The following SCN9A variants were observed in gnomAD, a reference collection of about 807,000 sequenced individuals.
SCN9A encodes the protein sodium channel protein type 9 subunit alpha.
SCN9A carries 131 observed loss-of-function variants against 187.0 expected under a neutral mutation model. The ratio of observed to expected loss-of-function variants is 0.70; its 90% CI spans 0.61 to 0.81. SCN9A has a LOEUF of 0.81. Ranked by LOEUF, SCN9A falls within the 30% of genes least tolerant of loss-of-function variation. SCN9A has a pLI of 0.00. For synonymous variants in SCN9A, 809 were observed against 808.6 expected, an observed-to-expected ratio of 1.00 and a Z score of -0.01; for missense variants, 2,252 against 2,396.6, an observed-to-expected ratio of 0.94 and a Z score of 1.26.
intron 2 of SCN9A, among the ~76,000 whole-genome samples, chr2:166,309,321 TA>T (rs1698865564): frequency 6.6e-6 from 1 of 152,220 alleles, no homozygotes. Context: ...TCATTCTCAT[TA>T]AAAACTTTTA....
intron 17 of SCN9A, among the ~76,000 whole-genome samples, chr2:166,272,125 C>T (rs888958266): frequency 6.6e-6 from 1 of 151,948 alleles, no homozygotes; most frequent in East Asian, 1.9e-4. Context: ...TGTAACTTTT[C>T]AACTGACAGG....
intron 9 of SCN9A, among the ~76,000 whole-genome samples, chr2:166,292,363 T>G (rs1475796640): frequency 6.6e-6 from 1 of 152,156 alleles, no homozygotes; most frequent in Non-Finnish European, 1.5e-5. Context: ...TTATTTTAAT[T>G]TTTTTATTTG....
intron 1 of SCN9A, among the ~76,000 whole-genome samples, chr2:166,368,603 A>T (rs1185839164): frequency 2.0e-5 from 3 of 151,580 alleles, no homozygotes; most frequent in Non-Finnish European, 1.5e-5. Flanking sequence ...ACTGCACTCC[A>T]GCCTGGGCAA....
chr2:166,374,667 AAG>A (rs1261562282), intron 1 of SCN9A, among the ~76,000 whole-genome samples: 1 of 152,120 alleles, frequency 6.6e-6, no homozygotes, highest in Non-Finnish European at 1.5e-5. Flanking sequence ...CAAGGAAAGA[AAG>A]AGAAAGAAAA....
At position 166,276,999 on chromosome 2, in the gene SCN9A, A is replaced by C. The variant is rs1697263477; in HGVS notation, c.2858T>G (p.Val953Gly). 1.9e-6 allele frequency: 3 copies of C among 1,613,458 alleles called. No individual in the cohort carries two copies. The highest frequency in any genetic ancestry group is 1.7e-6 in the Non-Finnish European group (2 of 1,179,668). ...MCLIVYMMVM[V>G]IGNLVVLNLF... ...GTTACATACCACCAGGTTTCCAATGACCATGACCATCATGTAAACAATAAG... is the reference window on the plus strand; with the variant it reads ...GTTACATACCACCAGGTTTCCAATGCCCATGACCATCATGTAAACAATAAG... Residue 953 changes from valine to glycine, a missense_variant, in exon 16 of 27, where the codon GTC becomes GGC. Physicochemically the swap from Val to Gly is moderately radical, Grantham distance 109. Transcript: ENST00000642356.
chr2:166,313,057 A>AGTT (rs1559036071), intron 1 of SCN9A, among the ~76,000 whole-genome samples: 8 of 139,544 alleles, frequency 5.7e-5, no homozygotes, highest in South Asian at 4.6e-4. Context: ...TAAAGAATAT[A>AGTT]ATTATTTAAT....
chr2:166,271,284 T>C (rs993362131), intron 17 of SCN9A, among the ~76,000 whole-genome samples: 1 of 152,076 alleles, frequency 6.6e-6, no homozygotes, highest in Non-Finnish European at 1.5e-5. Flanking sequence ...TTGAGTATGG[T>C]TCTAAACATT....
At position 166,281,767 on chromosome 2, in the gene SCN9A, G is replaced by C. The variant is rs1697500110; in HGVS notation, c.2016C>G (p.Ser672=). The change falls in exon 13 of 27, where the codon TCC becomes TCG. Residue 672 remains serine, a synonymous_variant. Coordinates refer to ENST00000642356, the MANE Select transcript of SCN9A (RefSeq NM_001365536.1). The stretch of plus-strand genomic sequence containing the variant: ...TCAGCATATCCTCTGAAAGGAGATA[G>C]GAACTACAACGCCTTTTCTTGTGTA... ...NQIHKKRRCS[S]YLLSEDMLND... The C allele has an allele frequency of 2.5e-6, 4 of 1,613,146 alleles. No individual in the cohort carries two copies. The East Asian group carries it at 8.9e-5, about 36-fold the overall frequency.
At chr2:166,308,887 C>T (rs1384932198) in intron 2 of SCN9A, among the ~76,000 whole-genome samples, 2 of 135,672 alleles carry the variant, frequency 1.5e-5, no homozygotes, top group Non-Finnish European at 3.0e-5. Flanking sequence ...AATCGCGCCA[C>T]GGCACTCCAG....
At chr2:166,296,594 G>T (rs1698312134) in intron 7 of SCN9A, among the ~76,000 whole-genome samples, 1 of 152,136 alleles carries the variant, frequency 6.6e-6, no homozygotes, top group Non-Finnish European at 1.5e-5. Context: ...ACTAATGCTG[G>T]TTCACATTTA....
At chr2:166,327,746 C>T (rs1264250244) in intron 1 of SCN9A, among the ~76,000 whole-genome samples, 2 of 152,120 alleles carry the variant, frequency 1.3e-5, no homozygotes, top group Non-Finnish European at 2.9e-5. Context: ...TAGAAATAAA[C>T]AGTCAAATAT....
chr2:166,334,757 C>A lies in SCN9A; in HGVS notation c.-50-22951G>T, dbSNP rs78552930. Among the ~76,000 whole-genome samples, 62 of 152,110 alleles carry A rather than the reference C, an allele frequency of 4.1e-4. 1 individual carries two copies. The East Asian group carries it at 0.011, about 27-fold the overall frequency. On this transcript the variant is annotated intron_variant, in intron 1 of 26. Coordinates refer to ENST00000642356, the MANE Select transcript of SCN9A (RefSeq NM_001365536.1). ...TTTTTATTACGGCAGTAGATTTTGT[C>A]CTATAGCACTAGAAAATTTACTTAC...
intron 1 of SCN9A, 44 bp downstream of exon 1, chr2:166,375,653 T>TCCC (rs1700671007): frequency 6.6e-6 from 1 of 152,098 alleles, no homozygotes; most frequent in African/African-American, 2.4e-5. Context: ...ACCGAGGGCT[T>TCCC]CTCCTCCCCT....
chr2:166,252,511 C>T (rs1358980718), intron 17 of SCN9A, among the ~76,000 whole-genome samples: 2 of 151,816 alleles, frequency 1.3e-5, no homozygotes, highest in African/African-American at 4.8e-5. Flanking sequence ...TGCCAATGAC[C>T]ATACCAACAC....
intron 1 of SCN9A, among the ~76,000 whole-genome samples, chr2:166,343,225 CT>C (rs1466123885): frequency 3.0e-4 from 45 of 151,960 alleles, no homozygotes; most frequent in African/African-American, 1.0e-3. Flanking sequence ...ATTTAGAATT[CT>C]AATCAATGTT....
In SCN9A at chr2:166,227,663, T is replaced by G; in HGVS notation, c.4260+7A>C. The G allele has an allele frequency of 1.4e-6, 2 of 1,480,970 alleles. No individual in the cohort carries two copies. The highest frequency in any genetic ancestry group is 1.9e-6 in the Non-Finnish European group (2 of 1,080,568). The allele number at this position is 1,480,970 out of a possible 1,614,324, so 91.7% of individuals were successfully genotyped here. On this transcript the variant is annotated splice_region_variant and intron_variant, in intron 23 of 26. Transcript: ENST00000642356. ...TAAAGTTTAGTGCTAAGATAATCAATACTTACATTAACAGAATCCACTGCT... is the reference window on the plus strand; with the variant it reads ...TAAAGTTTAGTGCTAAGATAATCAAGACTTACATTAACAGAATCCACTGCT...
At chr2:166,222,558 T>G (rs1315404121) in intron 24 of SCN9A, among the ~76,000 whole-genome samples, 1 of 143,962 alleles carries the variant, frequency 6.9e-6, no homozygotes. Context: ...AACCAGGGAG[T>G]CGGAGGTTGC....
chr2:166,284,379 G>A, intron 12 of SCN9A, 74 bp downstream of exon 12: 2 of 1,513,924 alleles, frequency 1.3e-6, no homozygotes, highest in Non-Finnish European at 1.8e-6. Context: ...ACCAGAGAAG[G>A]CCCTTCAGCA....
rs563250976 is a variant in SCN9A, at chr2:166,354,557, T to C, written c.-51+21140A>G. Among the ~76,000 whole-genome samples the C allele has an allele frequency of 2.0e-5, 3 of 152,286 alleles. No individual in the cohort carries two copies. The South Asian group carries it at 6.2e-4, about 32-fold the overall frequency. ...TCACCAGTACTTAAGCACCTTAAAA[T>C]TGTAGATATTTTATTTGAAACATAT... On this transcript the variant is annotated intron_variant, in intron 1 of 26. Coordinates refer to ENST00000642356, the MANE Select transcript of SCN9A (RefSeq NM_001365536.1).
Sources: allele counts gnomAD v4.1 joint callset (sites outside exome capture counted in the v4.1 genomes callset), GRCh38; gene constraint gnomAD v4.1.1; transcripts MANE v1.5; gene names NCBI Gene and HGNC (gene_info 2026-07-23, HGNC 2026-07-21).